The following KCNMA1 variants were observed in gnomAD, a reference collection of about 807,000 sequenced individuals.
KCNMA1 encodes the protein potassium calcium-activated channel subfamily M alpha 1.
In KCNMA1, 29 loss-of-function variants were observed where a neutral mutation model predicts 140.0. The observed-to-expected ratio is 0.21, with a 90% confidence interval of 0.15 to 0.28. KCNMA1 has a LOEUF of 0.28. Ranked by LOEUF, KCNMA1 falls within the 10% of genes least tolerant of loss-of-function variation. KCNMA1 has a pLI of 1.00. For missense variants in KCNMA1, 880 were observed against 1,602.2 expected, an observed-to-expected ratio of 0.55 and a Z score of 7.70; for synonymous variants, 612 against 611.9, an observed-to-expected ratio of 1.00 and a Z score of 0.00.
intron 3 of KCNMA1, among the ~76,000 whole-genome samples, chr10:77,205,715 T>G (rs1411107171): frequency 1.3e-5 from 2 of 152,210 alleles, no homozygotes; most frequent in African/African-American, 2.4e-5. Context: ...ACATTAACTT[T>G]CCTTTGAATT....
intron 5 of KCNMA1, among the ~76,000 whole-genome samples, chr10:77,157,162 C>A (rs1047605511): frequency 6.6e-6 from 1 of 152,162 alleles, no homozygotes; most frequent in Non-Finnish European, 1.5e-5. Context: ...AACATGTAGG[C>A]CAGGCACAGT....
intron 19 of KCNMA1, among the ~76,000 whole-genome samples, chr10:76,971,665 C>G (rs2076125889): frequency 6.6e-6 from 1 of 152,140 alleles, no homozygotes; most frequent in South Asian, 2.1e-4. Flanking sequence ...CACCAGGGCC[C>G]AAGCTCAGGC....
intron 1 of KCNMA1, among the ~76,000 whole-genome samples, chr10:77,472,310 C>G (rs1475718747): frequency 1.3e-5 from 2 of 150,740 alleles, no homozygotes; most frequent in Admixed American, 6.6e-5. Flanking sequence ...CACACACACA[C>G]AGAGAGCGTA....
At chr10:77,241,393 C>CA (rs2057232797) in intron 3 of KCNMA1, among the ~76,000 whole-genome samples, 1 of 152,140 alleles carries the variant, frequency 6.6e-6, no homozygotes, top group East Asian at 1.9e-4. Flanking sequence ...CCTGCAATGC[C>CA]AACACTTTGG....
chr10:77,229,552 A>G (rs893560085), intron 3 of KCNMA1, among the ~76,000 whole-genome samples: 3 of 152,106 alleles, frequency 2.0e-5, no homozygotes, highest in Non-Finnish European at 2.9e-5. Context: ...TGTTGTATGG[A>G]TGGAGAAACC....
At chr10:77,197,529 T>C (rs1046573780) in intron 3 of KCNMA1, among the ~76,000 whole-genome samples, 15 of 152,322 alleles carry the variant, frequency 9.8e-5, no homozygotes, top group African/African-American at 3.4e-4. Flanking sequence ...TGGTGGCCTT[T>C]GTGATATCAC....
chr10:77,146,701 C>CAAAA (rs5786266), intron 5 of KCNMA1, among the ~76,000 whole-genome samples: 362 of 64,130 alleles, frequency 5.6e-3, no homozygotes, highest in Middle Eastern at 0.014. Context: ...GACTTCATCT[C>CAAAA]AAAAAAAAAA....
rs776514261 is a variant in KCNMA1, at chr10:76,953,760, G to A, written c.2484+41C>T. On this transcript the variant is annotated intron_variant, in intron 21 of 27. Transcript: ENST00000286628. ...CCCATTCCTAGCAAATGTGGTTTGG[G>A]GCAGAAGCGGGCAACATCAGATGCA... is the stretch of plus-strand genomic sequence containing the variant. The A allele has an allele frequency of 2.5e-6, 4 of 1,613,474 alleles. No individual in the cohort carries two copies. The East Asian group carries it at 8.9e-5, about 36-fold the overall frequency.
intron 1 of KCNMA1, among the ~76,000 whole-genome samples, chr10:77,453,463 C>A (rs1279483268): frequency 6.6e-6 from 1 of 152,164 alleles, no homozygotes; most frequent in Non-Finnish European, 1.5e-5. Flanking sequence ...CCTGAAACAA[C>A]TAAAAATTCA....
rs530190011 is a variant in KCNMA1, at chr10:77,103,375, C to T, written c.1223+5106G>A. 3.3e-5 allele frequency among the ~76,000 whole-genome samples: 5 copies of T among 152,258 alleles called. No individual in the cohort carries two copies. In the South Asian group the frequency reaches 8.3e-4, roughly 25 times the overall value. ...CTATGAAACAAACACACAGAATGCA[C>T]CCTGCAGAACTGGTCACGTGGGGCT... On this transcript the variant is annotated intron_variant, in intron 9 of 27. Coordinates refer to ENST00000286628, the MANE Select transcript of KCNMA1 (RefSeq NM_001161352.2).
At chr10:77,235,164 G>A (rs1242204879) in intron 3 of KCNMA1, among the ~76,000 whole-genome samples, 1 of 152,118 alleles carries the variant, frequency 6.6e-6, no homozygotes, top group Non-Finnish European at 1.5e-5. Flanking sequence ...TTAGGGCTTG[G>A]CCTCATTCAG....
chr10:77,083,102 C>T (rs10762747), intron 12 of KCNMA1, among the ~76,000 whole-genome samples: 146,281 of 152,214 alleles, frequency 0.96, 70,647 homozygotes, highest in Non-Finnish European at 1. Context: ...GGGGAACCTT[C>T]GGCCCGAAAG....
rs1382922745 is a variant in KCNMA1, at chr10:77,409,001, C to T, written c.379-4978G>A. 4.6e-5 allele frequency among the ~76,000 whole-genome samples: 7 copies of T among 152,156 alleles called. No homozygotes were observed. In the East Asian group the frequency reaches 7.7e-4, roughly 17 times the overall value. On this transcript the variant is annotated intron_variant, in intron 1 of 27. Transcript: ENST00000286628. ...CAGGGAACACCAGAGAGAAGAGTGG[C>T]CACAGTCCCCTCCCGACACCCACCC... is the stretch of plus-strand genomic sequence containing the variant.
intron 1 of KCNMA1, among the ~76,000 whole-genome samples, chr10:77,569,280 C>T (rs1455941611): frequency 2.1e-5 from 2 of 94,216 alleles, no homozygotes; most frequent in Non-Finnish European, 4.4e-5. Flanking sequence ...ATTGCCAAGT[C>T]AATCCTAAGC....
rs995758840 is a variant in KCNMA1 at position 77,108,172 on chromosome 10, C to T, written c.1223+309G>A. 1.2e-6 allele frequency: 1 copy of T among 839,088 alleles called. No individual in the cohort carries two copies. Among genetic ancestry groups the T allele is most frequent in the South Asian group, 1.9e-5 (1 of 53,354 alleles). The allele number at this position is 839,088 out of a possible 1,614,324, so 52.0% of individuals were successfully genotyped here. On this transcript the variant is annotated intron_variant, in intron 9 of 27. Transcript: ENST00000286628. This position sits in a 1 kb window ranked among gnomAD's most constrained non-coding sequence, Gnocchi z 4.6. ...CATCACACCCCATGCAGAAACTGGGCCTTCCCTCACAGAAGCACCCGGTGG... is the reference window on the plus strand; with the variant it reads ...CATCACACCCCATGCAGAAACTGGGTCTTCCCTCACAGAAGCACCCGGTGG...
At chr10:77,623,983 T>C (rs2092034393) in intron 1 of KCNMA1, among the ~76,000 whole-genome samples, 1 of 152,204 alleles carries the variant, frequency 6.6e-6, no homozygotes, top group Non-Finnish European at 1.5e-5. Context: ...TAAGTTCTGA[T>C]GTGCTGGCTG....
intron 1 of KCNMA1, among the ~76,000 whole-genome samples, chr10:77,495,471 T>G (rs1303097362): frequency 6.6e-6 from 1 of 152,246 alleles, no homozygotes; most frequent in Non-Finnish European, 1.5e-5. Context: ...GAGGGCTGAC[T>G]GTGGCTCACT....
intron 2 of KCNMA1, among the ~76,000 whole-genome samples, chr10:77,287,058 G>C (rs2071246642): frequency 6.6e-6 from 1 of 152,174 alleles, no homozygotes; most frequent in Non-Finnish European, 1.5e-5. Context: ...GTATACATGG[G>C]AAACAGCAGG....
chr10:77,305,920 C>G (rs1028859428), intron 2 of KCNMA1, among the ~76,000 whole-genome samples: 3 of 152,172 alleles, frequency 2.0e-5, no homozygotes, highest in African/African-American at 7.2e-5. Context: ...TTTATTTTCT[C>G]CCACTGATTT....
Sources: allele counts gnomAD v4.1 joint callset (sites outside exome capture counted in the v4.1 genomes callset), GRCh38; gene constraint gnomAD v4.1.1; non-coding constraint Gnocchi (gnomAD v3.1); transcripts MANE v1.5; gene names NCBI Gene and HGNC (gene_info 2026-07-23, HGNC 2026-07-21).